XKR4: variants seen among roughly 807,000 people sequenced by gnomAD.
XKR4 encodes XK-related protein 4.
A neutral mutation model predicts 53.9 loss-of-function variants in XKR4; 12 were observed. The ratio of observed to expected loss-of-function variants is 0.22; its 90% CI spans 0.14 to 0.36. XKR4 has a LOEUF of 0.36. Ranked by LOEUF, XKR4 falls within the 10% of genes least tolerant of loss-of-function variation. XKR4 has a pLI of 1.00. For missense variants in XKR4, 799 were observed against 859.5 expected, an observed-to-expected ratio of 0.93 and a Z score of 0.88; for synonymous variants, 354 against 362.4, an observed-to-expected ratio of 0.98 and a Z score of 0.26.
chr8:55,276,572 AG>A (rs1818767068), intron 1 of XKR4, among the ~76,000 whole-genome samples: 3 of 152,232 alleles, frequency 2.0e-5, no homozygotes, highest in Admixed American at 2.0e-4. Flanking sequence ...TAGAGATGCA[AG>A]GGTAAAATCT....
At chr8:55,127,172 C>T (rs574067207) in intron 1 of XKR4, among the ~76,000 whole-genome samples, 32 of 152,082 alleles carry the variant, frequency 2.1e-4, no homozygotes, top group Non-Finnish European at 4.1e-4. Flanking sequence ...CTAAAATGCC[C>T]CCCAAAAGAA....
intron 1 of XKR4, among the ~76,000 whole-genome samples, chr8:55,157,555 T>C (rs909094078): frequency 6.6e-6 from 1 of 152,156 alleles, no homozygotes; most frequent in African/African-American, 2.4e-5. Flanking sequence ...AGGGTACATG[T>C]GCAGGTTTGT....
chr8:55,456,972 C>T (rs970012196), intron 2 of XKR4, among the ~76,000 whole-genome samples: 1 of 151,656 alleles, frequency 6.6e-6, no homozygotes, highest in Non-Finnish European at 1.5e-5. Context: ...CACACCTAGA[C>T]ACATCATAAT....
intron 1 of XKR4, among the ~76,000 whole-genome samples, chr8:55,268,302 G>A (rs537878170): frequency 2.0e-5 from 3 of 152,276 alleles, no homozygotes; most frequent in Admixed American, 2.0e-4. Flanking sequence ...TCTAGCAGAT[G>A]AGAACTTTAC....
chr8:55,510,820 C>A (rs546748434), intron 2 of XKR4, among the ~76,000 whole-genome samples: 1 of 152,318 alleles, frequency 6.6e-6, no homozygotes, highest in African/African-American at 2.4e-5. Context: ...AGGAGCATGC[C>A]AAGTGATGCC....
At chr8:55,413,850 A>G (rs1336253751) in intron 2 of XKR4, among the ~76,000 whole-genome samples, 1 of 152,214 alleles carries the variant, frequency 6.6e-6, no homozygotes, top group Non-Finnish European at 1.5e-5. Flanking sequence ...AGTAGTAAGG[A>G]ACAAGAGTAT....
intron 1 of XKR4, among the ~76,000 whole-genome samples, chr8:55,167,107 G>C (rs1338483071): frequency 6.6e-6 from 1 of 152,196 alleles, no homozygotes; most frequent in Non-Finnish European, 1.5e-5. Context: ...TACTGGACTG[G>C]ATGTGGGAAG....
chr8:55,139,730 C>T (rs1816678673), intron 1 of XKR4, among the ~76,000 whole-genome samples: 1 of 151,652 alleles, frequency 6.6e-6, no homozygotes, highest in Non-Finnish European at 1.5e-5. Flanking sequence ...CCTGAAACAT[C>T]CAATTCCTCA....
At chr8:55,455,086 G>A (rs1054961769) in intron 2 of XKR4, 11 of 680,708 alleles carry the variant, frequency 1.6e-5, no homozygotes, top group East Asian at 2.7e-5. Context: ...TCCCACTCCC[G>A]CGCGGGTGCG....
chr8:55,216,751 C>T (rs1208205765), intron 1 of XKR4, among the ~76,000 whole-genome samples: 1 of 148,722 alleles, frequency 6.7e-6, no homozygotes, highest in Non-Finnish European at 1.5e-5. Context: ...AAATTATTAG[C>T]CACAAAACGT....
At chr8:55,376,735 C>A (rs1163177303) in intron 2 of XKR4, among the ~76,000 whole-genome samples, 1 of 152,084 alleles carries the variant, frequency 6.6e-6, no homozygotes, top group Non-Finnish European at 1.5e-5. Flanking sequence ...TCCTACAGTT[C>A]TGGGAAAGTA....
chr8:55,281,791 C>G (rs546927976), intron 1 of XKR4, among the ~76,000 whole-genome samples: 1 of 152,190 alleles, frequency 6.6e-6, no homozygotes, highest in African/African-American at 2.4e-5. Context: ...GATTTTTTCC[C>G]CCATATACCA....
chr8:55,467,126 T>C (rs1805787196), intron 2 of XKR4, among the ~76,000 whole-genome samples: 1 of 152,104 alleles, frequency 6.6e-6, no homozygotes, highest in Non-Finnish European at 1.5e-5. Context: ...GCTGGCAGAA[T>C]GCAGGTCCCT....
intron 2 of XKR4, among the ~76,000 whole-genome samples, chr8:55,420,733 T>C (rs60530923): frequency 0.098 from 14,928 of 151,630 alleles, 1,812 homozygotes; most frequent in African/African-American, 0.29. Flanking sequence ...CATGTATACA[T>C]ATGTAACTAA....
chr8:55,146,187 A>G (rs1816771288), intron 1 of XKR4, among the ~76,000 whole-genome samples: 1 of 152,194 alleles, frequency 6.6e-6, no homozygotes, highest in Non-Finnish European at 1.5e-5. Flanking sequence ...TGTGTTCCTT[A>G]CCTACTTTAA....
At chr8:55,182,141 AT>A (rs1477983971) in intron 1 of XKR4, among the ~76,000 whole-genome samples, 1 of 151,906 alleles carries the variant, frequency 6.6e-6, no homozygotes, top group Non-Finnish European at 1.5e-5. Flanking sequence ...TTCATTATGA[AT>A]TTTGAAAGTT....
At position 55,418,240 on chromosome 8, in the gene XKR4, G is replaced by T. The variant is rs567280581; in HGVS notation, c.1006+60363G>T. 1.1e-4 allele frequency among the ~76,000 whole-genome samples: 16 copies of T among 152,324 alleles called. No individual in the cohort carries two copies. In the East Asian group the frequency reaches 2.3e-3, roughly 22 times the overall value. ...GGAGGGGGTGTGGATAGCCGTGGCA[G>T]GGCAGATCCCTGAGAGGGCATTCAG... On this transcript the variant is annotated intron_variant, in intron 2 of 2. Transcript: ENST00000327381.
chr8:55,446,672 T>A (rs915750484), intron 2 of XKR4, among the ~76,000 whole-genome samples: 2 of 152,098 alleles, frequency 1.3e-5, no homozygotes, highest in African/African-American at 2.4e-5. Context: ...CAAGAGGGGA[T>A]CAGTAGTAGT....
At chr8:55,405,091 C>T (rs1732792039) in intron 2 of XKR4, among the ~76,000 whole-genome samples, 1 of 152,208 alleles carries the variant, frequency 6.6e-6, no homozygotes, top group South Asian at 2.1e-4. Flanking sequence ...TGTTTCTCTG[C>T]TTCATGGGAA....
Sources: gnomAD v4.1 joint callset for allele counts (sites outside exome capture counted in the v4.1 genomes callset) on GRCh38, gnomAD v4.1.1 for gene constraint, MANE v1.5 for transcripts, NCBI Gene and HGNC (gene_info 2026-07-23, HGNC 2026-07-21) for gene names.